Variants in HCRTR2 observed in about 807,000 individuals in gnomAD.
HCRTR2 encodes the protein hypocretin receptor 2, also known as orexin receptor type 2.
In HCRTR2, 22 loss-of-function variants were observed where a neutral mutation model predicts 49.0. That is an observed-to-expected ratio of 0.45 (90% confidence interval 0.32 to 0.64). HCRTR2 has a LOEUF of 0.64. Among genes scored for constraint, HCRTR2 ranks in the 30% least tolerant of loss-of-function variants. HCRTR2 has a pLI of 0.04. For synonymous variants in HCRTR2, 236 were observed against 205.3 expected (o/e 1.15, Z -1.28); for missense variants, 491 against 559.4 (o/e 0.88, Z 1.23).
intron 1 of HCRTR2, among the ~76,000 whole-genome samples, chr6:55,210,050 C>A (rs1765670118): frequency 6.6e-6 from 1 of 152,076 alleles, no homozygotes; most frequent in African/African-American, 2.4e-5. Flanking sequence ...AAAACTACCT[C>A]ATTCAAAGGG....
intron 1 of HCRTR2, among the ~76,000 whole-genome samples, chr6:55,155,146 A>G (rs930609557): frequency 6.6e-6 from 1 of 151,890 alleles, no homozygotes; most frequent in African/African-American, 2.4e-5. Flanking sequence ...TGTACATACT[A>G]CCCAAAACAA....
At position 55,196,417 on chromosome 6, in the gene HCRTR2, C is replaced by A. The variant is rs577664529; in HGVS notation, c.223+21607C>A. The stretch of plus-strand genomic sequence containing the variant: ...GATAAATGAACTTTTCCCCACCTAA[C>A]CTTTAGCCACTTGGGATGATTAGAC... On this transcript the variant is annotated intron_variant, in intron 1 of 6. Coordinates refer to ENST00000370862, the MANE Select transcript of HCRTR2 (RefSeq NM_001384272.1). Among the ~76,000 whole-genome samples the A allele has an allele frequency of 2.0e-5, 3 of 152,276 alleles. No homozygotes were observed. In the South Asian group the frequency reaches 6.2e-4, roughly 32 times the overall value.
At chr6:55,218,490 A>G (rs1765831226) in intron 1 of HCRTR2, among the ~76,000 whole-genome samples, 1 of 152,206 alleles carries the variant, frequency 6.6e-6, no homozygotes, top group Non-Finnish European at 1.5e-5. Flanking sequence ...AAAATACTAT[A>G]TGCTGTCTAC....
intron 1 of HCRTR2, among the ~76,000 whole-genome samples, chr6:55,243,504 A>C (rs1167950383): frequency 6.6e-6 from 1 of 152,326 alleles, no homozygotes; most frequent in Admixed American, 6.5e-5. Flanking sequence ...GTGAGCTCTC[A>C]GATTTCACTC....
At chr6:55,134,953 G>C (rs558915174) in intron 1 of HCRTR2, among the ~76,000 whole-genome samples, 1 of 151,870 alleles carries the variant, frequency 6.6e-6, no homozygotes, top group Admixed American at 6.6e-5. Flanking sequence ...GATGAACATG[G>C]AGTGCAGATA....
chr6:55,212,196 G>T (rs919995253), intron 1 of HCRTR2, among the ~76,000 whole-genome samples: 1 of 152,132 alleles, frequency 6.6e-6, no homozygotes, highest in African/African-American at 2.4e-5. Context: ...TATGGCTGCC[G>T]TTGTTCCCTG....
intron 2 of HCRTR2, among the ~76,000 whole-genome samples, chr6:55,250,444 G>T (rs76029739): frequency 6.6e-6 from 1 of 152,086 alleles, no homozygotes; most frequent in Non-Finnish European, 1.5e-5. Context: ...CTACCCAGGA[G>T]AATATTTTGA....
At chr6:55,179,750 T>C (rs1047987349) in intron 1 of HCRTR2, among the ~76,000 whole-genome samples, 6 of 152,188 alleles carry the variant, frequency 3.9e-5, no homozygotes, top group Admixed American at 3.9e-4. Flanking sequence ...ATTGTAGTAG[T>C]GCCTACATAC....
chr6:55,146,243 T>C (rs374512358), intron 1 of HCRTR2, among the ~76,000 whole-genome samples: 1 of 152,154 alleles, frequency 6.6e-6, no homozygotes, highest in Non-Finnish European at 1.5e-5. Context: ...CAGAAAGGGA[T>C]AATATACAGT....
chr6:55,127,754 G>A (rs1403656933), intron 1 of HCRTR2, among the ~76,000 whole-genome samples: 1 of 152,034 alleles, frequency 6.6e-6, no homozygotes, highest in Non-Finnish European at 1.5e-5. Context: ...TTTGTTTCAA[G>A]GCATGTCATA....
intron 1 of HCRTR2, among the ~76,000 whole-genome samples, chr6:55,168,865 G>A (rs1338804918): frequency 6.6e-6 from 1 of 151,924 alleles, no homozygotes; most frequent in Non-Finnish European, 1.5e-5. Flanking sequence ...AACGTACTTG[G>A]CACAGAGCTT....
At chr6:55,211,521 A>T (rs781609453) in intron 1 of HCRTR2, among the ~76,000 whole-genome samples, 1 of 152,042 alleles carries the variant, frequency 6.6e-6, no homozygotes, top group Admixed American at 6.6e-5. Flanking sequence ...TCAGTATTTC[A>T]TTTACTTGAG....
intron 1 of HCRTR2, among the ~76,000 whole-genome samples, chr6:55,134,393 A>G (rs1041006864): frequency 6.6e-6 from 1 of 151,926 alleles, no homozygotes; most frequent in Middle Eastern, 3.2e-3. Flanking sequence ...ATGCCCATAT[A>G]TATAGTTATA....
At chr6:55,172,034 G>A (rs34522972), upstream of HCRTR2, among the ~76,000 whole-genome samples, 22,374 of 152,178 alleles carry the variant, frequency 0.15, 2,178 homozygotes, top group Non-Finnish European at 0.22. Flanking sequence ...GGAAGACATC[G>A]TGCCAGAGTA....
At chr6:55,150,210 T>C (rs1764645803) in intron 1 of HCRTR2, among the ~76,000 whole-genome samples, 2 of 151,928 alleles carry the variant, frequency 1.3e-5, no homozygotes, top group African/African-American at 2.4e-5. Flanking sequence ...TGTATACAAC[T>C]TGATGAGTTT....
chr6:55,116,715 G>GAGAGAAA (rs55778468), intron 1 of HCRTR2, among the ~76,000 whole-genome samples: 7,699 of 88,454 alleles, frequency 0.087, 386 homozygotes, highest in African/African-American at 0.15. Flanking sequence ...AAGAGAGAGA[G>GAGAGAAA]AAAAAAAAAA....
intron 1 of HCRTR2, among the ~76,000 whole-genome samples, chr6:55,244,570 C>T (rs9475215): frequency 0.021 from 3,228 of 152,014 alleles, 119 homozygotes; most frequent in African/African-American, 0.073. Flanking sequence ...GCACAAAGTC[C>T]AGTGATAAGT....
chr6:55,175,795 T>C (rs1009229568), intron 1 of HCRTR2, among the ~76,000 whole-genome samples: 3 of 151,900 alleles, frequency 2.0e-5, no homozygotes, highest in Admixed American at 6.6e-5. Context: ...GAAAAGGGGC[T>C]TTGGAAGGGA....
intron 4 of HCRTR2, among the ~76,000 whole-genome samples, chr6:55,276,138 A>G (rs573058296): frequency 1.3e-5 from 2 of 152,346 alleles, no homozygotes; most frequent in South Asian, 4.1e-4. Flanking sequence ...CAGTGGGTTA[A>G]AAGATTGAGT....
Sources: gnomAD v4.1 joint callset for allele counts (sites outside exome capture counted in the v4.1 genomes callset) on GRCh38, gnomAD v4.1.1 for gene constraint, MANE v1.5 for transcripts, NCBI Gene and HGNC (gene_info 2026-07-23, HGNC 2026-07-21) for gene names.